Variants in RAPGEF6 observed in about 807,000 individuals in gnomAD.
The protein encoded by RAPGEF6 is PDZ domain containing guanine nucleotide exchange factor (GEF) 2.
RAPGEF6 carries 56 observed loss-of-function variants against 171.4 expected under a neutral mutation model. The observed-to-expected ratio is 0.33, with a 90% CI of 0.26 to 0.41. RAPGEF6 has a LOEUF of 0.41. RAPGEF6 is among the 10% of genes least tolerant of loss of function. The pLI is 1.00. For synonymous variants in RAPGEF6, 692 were observed against 650.1 expected (o/e 1.06, Z -0.98); for missense variants, 1,674 against 1,921.4 (o/e 0.87, Z 2.41).
chr5:131,430,396 G>C (rs1227939992), intron 26 of RAPGEF6, among the ~76,000 whole-genome samples: 1 of 152,088 alleles, frequency 6.6e-6, no homozygotes, highest in African/African-American at 2.4e-5. Flanking sequence ...TACACCAAGA[G>C]AGTATACTGA....
At chr5:131,558,779 T>C (rs1761405778) in intron 5 of RAPGEF6, among the ~76,000 whole-genome samples, 1 of 152,218 alleles carries the variant, frequency 6.6e-6, no homozygotes, top group African/African-American at 2.4e-5. Context: ...ATAATTGGTT[T>C]TTAAATTAAT....
intron 9 of RAPGEF6, among the ~76,000 whole-genome samples, chr5:131,506,186 G>C (rs1200309192): frequency 6.6e-6 from 1 of 152,186 alleles, no homozygotes; most frequent in East Asian, 1.9e-4. Flanking sequence ...TGTTGCCCAA[G>C]CTGGAGTGCA....
chr5:131,440,066 C>T, intron 23 of RAPGEF6: 1 of 373,786 alleles, frequency 2.7e-6, no homozygotes. Context: ...AAACTCTTCC[C>T]TCCCCTCTAG....
intron 1 of RAPGEF6, among the ~76,000 whole-genome samples, chr5:131,623,055 G>C (rs1038745185): frequency 1.3e-5 from 2 of 152,044 alleles, no homozygotes; most frequent in Non-Finnish European, 2.9e-5. Flanking sequence ...AAAATACCTA[G>C]TTCTAAAACA....
At position 131,561,966 on chromosome 5, in the gene RAPGEF6, T is replaced by C. The variant is rs1388073432; in HGVS notation, c.351+12A>G. ...ATATCAAAAACAATTCAGCATTCTT[T>C]AAAGTTCTTACCACAATCATTTCTG... is the stretch of plus-strand genomic sequence containing the variant. On this transcript the variant is annotated intron_variant, in intron 5 of 27. Coordinates refer to ENST00000509018, the MANE Select transcript of RAPGEF6 (RefSeq NM_016340.6). 1.3e-6 allele frequency: 2 copies of C among 1,576,068 alleles called. No homozygotes were observed. The highest frequency in any genetic ancestry group is 1.7e-6 in the Non-Finnish European group (2 of 1,151,930).
At chr5:131,633,646 G>C (rs1766453137) in intron 1 of RAPGEF6, among the ~76,000 whole-genome samples, 3 of 151,720 alleles carry the variant, frequency 2.0e-5, no homozygotes, top group Non-Finnish European at 4.4e-5. Context: ...CAGAAAAATC[G>C]CTTGAACCCG....
intron 15 of RAPGEF6, among the ~76,000 whole-genome samples, chr5:131,487,174 G>C (rs561861773): frequency 2.6e-5 from 4 of 152,136 alleles, no homozygotes; most frequent in Non-Finnish European, 5.9e-5. Flanking sequence ...TCTTCCTTCC[G>C]GTGGGTTCAT....
intron 17 of RAPGEF6, 153 bp from the exon 18 acceptor site, chr5:131,464,434 T>C (rs542280328): frequency 1.2e-4 from 74 of 627,610 alleles, no homozygotes; most frequent in East Asian, 7.3e-4. Flanking sequence ...CATTTATTGA[T>C]AAATATATCC....
At chr5:131,574,863 A>G (rs954713661) in intron 4 of RAPGEF6, among the ~76,000 whole-genome samples, 5 of 151,892 alleles carry the variant, frequency 3.3e-5, no homozygotes, top group South Asian at 4.2e-4. Flanking sequence ...CCAGTACCCC[A>G]TCCCACAACA....
chr5:131,432,061 T>C (rs1466040456), intron 25 of RAPGEF6, among the ~76,000 whole-genome samples: 1 of 152,034 alleles, frequency 6.6e-6, no homozygotes, highest in Non-Finnish European at 1.5e-5. Context: ...ATGGGCCAAA[T>C]TTAGCCAACA....
chr5:131,481,001 G>T, intron 15 of RAPGEF6, among the ~76,000 whole-genome samples: 1 of 150,736 alleles, frequency 6.6e-6, no homozygotes, highest in Non-Finnish European at 1.5e-5. Context: ...GCGCAATCTT[G>T]GCTCACCACA....
At chr5:131,509,908 G>A (rs773803784) in intron 8 of RAPGEF6, among the ~76,000 whole-genome samples, 14 of 152,138 alleles carry the variant, frequency 9.2e-5, no homozygotes, top group Non-Finnish European at 1.9e-4. Flanking sequence ...AAAAAACTGT[G>A]GCATTTGCCT....
At chr5:131,509,536 C>G (rs192609891) in intron 8 of RAPGEF6, among the ~76,000 whole-genome samples, 1 of 146,172 alleles carries the variant, frequency 6.8e-6, no homozygotes, top group Admixed American at 6.6e-5. Context: ...GAGTGAGACA[C>G]CGTCTCAAAA....
At chr5:131,603,091 T>A (rs1303698357) in intron 3 of RAPGEF6, among the ~76,000 whole-genome samples, 180 bp downstream of exon 3, 2 of 152,210 alleles carry the variant, frequency 1.3e-5, no homozygotes, top group Non-Finnish European at 2.9e-5. Context: ...TATATATTTA[T>A]TAAAATTCAT....
chr5:131,427,517 G>A (rs1334519120), intron 27 of RAPGEF6, among the ~76,000 whole-genome samples: 1 of 152,022 alleles, frequency 6.6e-6, no homozygotes, highest in Non-Finnish European at 1.5e-5. Context: ...TTGTTTAAAA[G>A]CATAAATTTT....
chr5:131,452,904 A>G (rs1477965727), intron 21 of RAPGEF6, 150 bp downstream of exon 21: 2 of 974,224 alleles, frequency 2.1e-6, no homozygotes, highest in Admixed American at 6.5e-5. Context: ...TATGGTTATT[A>G]ATGATAAATG....
chr5:131,540,517 G>A (rs572463273), intron 6 of RAPGEF6, among the ~76,000 whole-genome samples: 1 of 152,152 alleles, frequency 6.6e-6, no homozygotes. Context: ...AACTATGATC[G>A]CATAACTGCA....
intron 16 of RAPGEF6, 131 bp downstream of exon 16, chr5:131,479,382 T>G (rs1354473100): frequency 1.4e-5 from 12 of 873,726 alleles, no homozygotes; most frequent in Non-Finnish European, 1.7e-5. Context: ...CTTATTTGAG[T>G]ACTGTTTGAA....
At chr5:131,526,283 T>C (rs1450810180) in intron 6 of RAPGEF6, among the ~76,000 whole-genome samples, 1 of 152,198 alleles carries the variant, frequency 6.6e-6, no homozygotes, top group Non-Finnish European at 1.5e-5. Flanking sequence ...TGCCCACCAT[T>C]TGTACCAAAC....
Sources: gnomAD v4.1 joint callset for allele counts (sites outside exome capture counted in the v4.1 genomes callset) on GRCh38, gnomAD v4.1.1 for gene constraint, MANE v1.5 for transcripts, NCBI Gene and HGNC (gene_info 2026-07-23, HGNC 2026-07-21) for gene names.